Variants in ZZEF1 observed in about 807,000 individuals in gnomAD.
ZZEF1 encodes zinc finger ZZ-type and EF-hand domain containing 1.
A neutral mutation model predicts 342.8 loss-of-function variants in ZZEF1; 157 were observed. The observed-to-expected ratio is 0.46, with a 90% confidence interval of 0.40 to 0.52. The LOEUF (loss-of-function observed/expected upper bound fraction) is 0.52. Among genes scored for constraint, ZZEF1 ranks in the 20% least tolerant of loss-of-function variants. The probability of loss-of-function intolerance (pLI) is 0.00; values close to 1 mark genes in which losing one functional copy is unlikely to be tolerated. For synonymous variants in ZZEF1, 1,505 were observed against 1,429.1 expected (o/e 1.05, Z -1.20); for missense variants, 3,480 against 3,725.6 (o/e 0.93, Z 1.72).
intron 33 of ZZEF1, among the ~76,000 whole-genome samples, chr17:4,054,697 T>C (rs1014310752): frequency 6.6e-6 from 1 of 152,212 alleles, no homozygotes; most frequent in East Asian, 1.9e-4. Context: ...GGGCCTTGCA[T>C]ATCAGTCTTA....
At chr17:4,040,737 C>T (rs1409469236) in intron 39 of ZZEF1, among the ~76,000 whole-genome samples, 1 of 152,164 alleles carries the variant, frequency 6.6e-6, no homozygotes, top group African/African-American at 2.4e-5. Context: ...GGACAGTCGG[C>T]TGGCACAGAG....
intron 40 of ZZEF1, 197 bp from the exon 41 acceptor site, chr17:4,033,199 C>T (rs1448088284): frequency 1.9e-6 from 1 of 521,820 alleles, no homozygotes; most frequent in Non-Finnish European, 3.3e-6. Context: ...CTTACATACT[C>T]ACCCTACGGC....
At chr17:4,019,385 A>G (rs536623948) in intron 46 of ZZEF1, among the ~76,000 whole-genome samples, 1 of 152,294 alleles carries the variant, frequency 6.6e-6, no homozygotes, top group Admixed American at 6.5e-5. Context: ...TACACATGAG[A>G]GACATCTTGG....
rs1401810048 is a variant in ZZEF1, at chr17:4,077,949, ACC to A, written c.2921_2922del (p.Trp974LeufsTer21). ...TCCGTGCTCTTCAGCTGCAGGTAGC[ACC>A]AGGATAGCAGGCTGCCTTGGACGGA... ...FWSVQGSLLS[W>X]CYLQLKSTDS... On this transcript the variant is annotated frameshift_variant, in exon 19 of 55. Transcript: ENST00000381638. LOFTEE classifies it high-confidence loss of function. 1 of 1,614,218 alleles carries A rather than the reference ACC, an allele frequency of 6.2e-7. No homozygotes were observed.
chr17:4,110,676 T>C (rs1055357963), intron 5 of ZZEF1, among the ~76,000 whole-genome samples: 9 of 151,586 alleles, frequency 5.9e-5, no homozygotes, highest in Non-Finnish European at 1.0e-4. Flanking sequence ...ACAATCTAAA[T>C]GTCCAAGAAT....
Position 4,081,411 on chromosome 17 carries a change from C to G in ZZEF1, c.2794G>C (p.Val932Leu). The G allele has an allele frequency of 6.2e-7, 1 of 1,613,850 alleles. No individual in the cohort carries two copies. The highest frequency in any genetic ancestry group is 8.5e-7 in the Non-Finnish European group (1 of 1,180,008). Reference protein sequence around the residue: ...AKMNISEVLAVMDTLVSVAAR... With the variant: ...AKMNISEVLALMDTLVSVAAR... ...GCAACAGAGACGAGAGTGTCCATGA[C>G]CGCCAGGACTTCACTGATGTTCATC... The change falls in exon 18 of 55, where the codon GTC becomes CTC. Residue 932 changes from valine (V) to leucine (L), a missense_variant. Val to Leu is a conservative substitution (Grantham distance 32). This residue lies in a region of ZZEF1 where 1,528 missense variants were observed against 1,624.1 expected (regional missense o/e 0.94). Coordinates refer to ENST00000381638, the MANE Select transcript of ZZEF1 (RefSeq NM_015113.4).
intron 42 of ZZEF1, among the ~76,000 whole-genome samples, chr17:4,027,901 A>C (rs1251863024): frequency 6.6e-6 from 1 of 152,062 alleles, no homozygotes; most frequent in East Asian, 1.9e-4. Context: ...GTTGATCTCA[A>C]ACTCCTATCC....
chr17:4,044,734 G>C (rs887240965), intron 37 of ZZEF1, among the ~76,000 whole-genome samples: 5 of 151,896 alleles, frequency 3.3e-5, no homozygotes, highest in Non-Finnish European at 5.9e-5. Flanking sequence ...GGCCAGGATG[G>C]TTTCGATCTC....
Position 4,034,178 on chromosome 17 carries a change from C to T in ZZEF1, c.6421G>A (p.Gly2141Ser), listed in dbSNP as rs567248962. The T allele has an allele frequency of 1.5e-5, 24 of 1,614,128 alleles. No individual in the cohort carries two copies. Among genetic ancestry groups the T allele is most frequent in the Middle Eastern group, 1.6e-4 (1 of 6,062 alleles). The change falls in exon 40 of 55, where the codon GGC becomes AGC. Residue 2141 changes from glycine to serine, a missense_variant. Physicochemically the swap from Gly to Ser is moderately conservative, Grantham distance 56. Around this residue, in one of 5 missense-constraint regions of ZZEF1, gnomAD observed 1,269 missense variants for 1,342.4 expected, o/e 0.95. Coordinates refer to ENST00000381638, the MANE Select transcript of ZZEF1 (RefSeq NM_015113.4). ...GGCAAAAGACGGATAATTAACTGGCCGAGAAGACCCAGGGTGAGATGGTAG... is the reference window on the plus strand; with the variant it reads ...GGCAAAAGACGGATAATTAACTGGCTGAGAAGACCCAGGGTGAGATGGTAG... The part of the protein sequence containing the change: ...ETYHLTLGLL[G>S]QLIIRLLPAE...
rs772868296 is a variant in ZZEF1 at position 4,017,346 on chromosome 17, G to A, written c.8001+25C>T. On this transcript the variant is annotated intron_variant, in intron 48 of 54. Transcript: ENST00000381638. The surrounding 1 kb of genome is among the most constrained non-coding windows in gnomAD (Gnocchi z 5.1). ...GGCAGAGGAAGAACCTGGTGGGTGA[G>A]CACAAGCTCAGTCTGCATAACTACC... The A allele has an allele frequency of 1.2e-5, 19 of 1,558,458 alleles. No individual in the cohort carries two copies. The South Asian group carries it at 2.2e-4, about 18-fold the overall frequency.
At chr17:4,063,128 A>G (rs774370776) in intron 29 of ZZEF1, among the ~76,000 whole-genome samples, 1 of 152,244 alleles carries the variant, frequency 6.6e-6, no homozygotes, top group Non-Finnish European at 1.5e-5. Context: ...CCAACTGTCC[A>G]GAAGTCCGAC....
intron 16 of ZZEF1, among the ~76,000 whole-genome samples, chr17:4,084,002 ATTTG>A (rs1018745770): frequency 1.6e-4 from 24 of 152,058 alleles, no homozygotes; most frequent in African/African-American, 5.6e-4. Context: ...ACAAATAAAT[ATTTG>A]TTTTATTCTA....
intron 9 of ZZEF1, among the ~76,000 whole-genome samples, chr17:4,097,086 C>T (rs2058047384): frequency 6.6e-6 from 1 of 151,736 alleles, no homozygotes; most frequent in African/African-American, 2.4e-5. Context: ...ACGGAGAAAC[C>T]CCGTCTCTAC....
intron 43 of ZZEF1, 100 bp from the exon 44 acceptor site, chr17:4,022,928 T>G: frequency 6.8e-7 from 1 of 1,466,096 alleles, no homozygotes; most frequent in South Asian, 1.3e-5. Context: ...CATTCATTCG[T>G]CCATTCAACA....
At chr17:4,013,754 T>A in intron 51 of ZZEF1, 140 bp from the exon 52 acceptor site, 1 of 1,034,524 alleles carries the variant, frequency 9.7e-7, no homozygotes, top group African/African-American at 1.6e-5. Context: ...TGTGATCATT[T>A]AAATTCTGGC....
At chr17:4,136,893 G>C (rs1402245518) in intron 1 of ZZEF1, among the ~76,000 whole-genome samples, 1 of 151,976 alleles carries the variant, frequency 6.6e-6, no homozygotes, top group Non-Finnish European at 1.5e-5. Context: ...GCCTTGTTGT[G>C]ATGAAGCCTT....
intron 18 of ZZEF1, 135 bp from the exon 19 acceptor site, chr17:4,078,177 C>T: frequency 1.1e-6 from 1 of 890,846 alleles, no homozygotes; most frequent in Non-Finnish European, 1.6e-6. Context: ...AAACAGCTTT[C>T]AACCCAGCAG....
At chr17:4,095,797 A>G (rs919742692) in intron 11 of ZZEF1, 34 bp downstream of exon 11, 1 of 1,578,016 alleles carries the variant, frequency 6.3e-7, no homozygotes, top group South Asian at 1.2e-5. Context: ...TGTTCTGTAG[A>G]TCTTTGTTCT....
At chr17:4,024,052 C>T (rs923447217) in intron 43 of ZZEF1, among the ~76,000 whole-genome samples, 1 of 152,218 alleles carries the variant, frequency 6.6e-6, no homozygotes, top group Admixed American at 6.5e-5. Context: ...CATGGATATC[C>T]TCTGTTGGGA....
Sources: gnomAD v4.1 joint callset for allele counts (sites outside exome capture counted in the v4.1 genomes callset) on GRCh38, gnomAD v4.1.1 for gene constraint, gnomAD v4.1.1 regional missense constraint, Gnocchi (gnomAD v3.1) non-coding constraint, MANE v1.5 for transcripts, NCBI Gene and HGNC (gene_info 2026-07-23, HGNC 2026-07-21) for gene names.